ITGB1: variants seen among roughly 807,000 people sequenced by gnomAD.
The protein encoded by ITGB1 is integrin beta-1.
In ITGB1, 24 loss-of-function variants were observed where a neutral mutation model predicts 86.5. The ratio of observed to expected loss-of-function variants is 0.28; its 90% CI spans 0.20 to 0.39. The LOEUF (loss-of-function observed/expected upper bound fraction) is 0.39. ITGB1 is among the 10% of genes least tolerant of loss of function. The pLI is 1.00. For missense variants in ITGB1, 556 were observed against 946.9 expected, an observed-to-expected ratio of 0.59 and a Z score of 5.42; for synonymous variants, 323 against 316.8, an observed-to-expected ratio of 1.02 and a Z score of -0.21.
rs200876241 is a variant in ITGB1, at chr10:32,914,013, A to C, written c.1470-1889T>G. On this transcript the variant is annotated intron_variant, in intron 11 of 15. Coordinates refer to ENST00000302278, the MANE Select transcript of ITGB1 (RefSeq NM_002211.4). ...CAGAAGAGAGTGGGGGCCAATATTT[A>C]ACATTCTTAAAGAAAAGAATTTTCA... Among the ~76,000 whole-genome samples, 19 of 152,368 alleles carry C rather than the reference A, an allele frequency of 1.2e-4. No homozygotes were observed. The East Asian group carries it at 2.9e-3, about 23-fold the overall frequency.
chr10:32,928,424 G>A (rs2094972393), intron 4 of ITGB1, among the ~76,000 whole-genome samples, 160 bp from the exon 5 acceptor site: 1 of 152,164 alleles, frequency 6.6e-6, no homozygotes, highest in Non-Finnish European at 1.5e-5. Flanking sequence ...AACTCAATGG[G>A]TATGTATTCA....
At chr10:32,935,908 C>A in intron 1 of ITGB1, 1 of 170,636 alleles carries the variant, frequency 5.9e-6, no homozygotes, top group South Asian at 1.6e-4. Context: ...TGGTCTCAGC[C>A]CATAGAATCT....
chr10:32,944,962 TA>T, intron 1 of ITGB1: 1 of 1,121,104 alleles, frequency 8.9e-7, no homozygotes. Flanking sequence ...TTCTACAAAC[TA>T]AAGTTCCACA....
intron 1 of ITGB1, among the ~76,000 whole-genome samples, chr10:32,952,454 T>C (rs2137268780): frequency 2.4e-5 from 1 of 42,432 alleles, no homozygotes; most frequent in Middle Eastern, 0.014. Flanking sequence ...AATTTCCTCC[T>C]CCAATAAACA....
chr10:32,928,291 A>G, intron 4 of ITGB1, 27 bp from the exon 5 acceptor site: 1 of 812,484 alleles, frequency 1.2e-6, no homozygotes, highest in South Asian at 1.5e-5. Flanking sequence ...TTAGAAAATG[A>G]AACTTGCCTG....
At chr10:32,910,159 C>A in intron 14 of ITGB1, 64 bp downstream of exon 14, 1 of 1,278,210 alleles carries the variant, frequency 7.8e-7, no homozygotes, top group Non-Finnish European at 1.1e-6. Flanking sequence ...GATGTTAGGC[C>A]TAAATAAGCA....
At chr10:32,909,649 T>G (rs539363707) in intron 14 of ITGB1, among the ~76,000 whole-genome samples, 30 of 152,228 alleles carry the variant, frequency 2.0e-4, no homozygotes, top group Admixed American at 1.7e-3. Context: ...GTTAAACATA[T>G]GCTTACCATA....
At chr10:32,949,419 C>T (rs1262962234) in intron 1 of ITGB1, among the ~76,000 whole-genome samples, 1 of 152,122 alleles carries the variant, frequency 6.6e-6, no homozygotes, top group Non-Finnish European at 1.5e-5. Context: ...TGACTCAGGG[C>T]ACAGAAATGG....
chr10:32,911,566 G>T lies in ITGB1; in HGVS notation c.1813C>A (p.Gln605Lys), dbSNP rs1297236582. The T allele has an allele frequency of 6.2e-7, 1 of 1,614,000 alleles. No individual in the cohort carries two copies. The highest frequency in any genetic ancestry group is 8.5e-7 in the Non-Finnish European group (1 of 1,180,018). Residue 605 changes from glutamine to lysine, a missense_variant, in exon 13 of 16, where the codon CAG becomes AAG. By Grantham distance (53) the Gln-to-Lys change is moderately conservative. Around this residue, in one of 4 missense-constraint regions of ITGB1, gnomAD observed 330 missense variants for 531.5 expected, o/e 0.62. Transcript: ENST00000302278. ...CAGATGCCCCGGCCATTGCAGATCT[G>T]TCCGTTGCTGGCTTCACAAGTACTA... ...DTSTCEASNG[Q>K]ICNGRGICEC... is the part of the protein sequence containing the mutation.
chr10:32,930,301 C>G (rs888173629), intron 3 of ITGB1, among the ~76,000 whole-genome samples: 4 of 152,098 alleles, frequency 2.6e-5, no homozygotes, highest in Admixed American at 6.6e-5. Context: ...TCTTGTAATT[C>G]AGAGTATCTA....
rs2094977877 is a variant in ITGB1, at chr10:32,929,978, C to T, written c.220G>A (p.Gly74Ser). The T allele has an allele frequency of 1.7e-6, 2 of 1,201,762 alleles. No homozygotes were observed. The highest frequency in any genetic ancestry group is 1.5e-5 in the African/African-American group (1 of 67,116). 74.4% of individuals were successfully genotyped at this position (1,201,762 alleles called of 1,614,324 possible). Residue 74 changes from glycine to serine, a missense_variant, in exon 4 of 16, where the codon GGT becomes AGT. Coordinates refer to ENST00000302278, the MANE Select transcript of ITGB1 (RefSeq NM_002211.4). ...TTTTCTATGTCATCTGGAGGGCAAC[C>T]CTTCTTTTTTAAGGCTTCTAAATCA... ...CDDLEALKKKGCPPDDIENPR... is the reference protein window; with the variant it reads ...CDDLEALKKKSCPPDDIENPR...
At chr10:32,950,403 G>C (rs2095040306) in intron 1 of ITGB1, among the ~76,000 whole-genome samples, 2 of 152,076 alleles carry the variant, frequency 1.3e-5, no homozygotes, top group African/African-American at 4.8e-5. Context: ...CCATGGAAAG[G>C]GAACCTTTCC....
intron 11 of ITGB1, among the ~76,000 whole-genome samples, chr10:32,914,193 C>G (rs1413752066): frequency 6.6e-6 from 1 of 152,158 alleles, no homozygotes; most frequent in South Asian, 2.1e-4. Context: ...ACAACTGGTA[C>G]CAGCCACTGC....
intron 1 of ITGB1, among the ~76,000 whole-genome samples, chr10:32,938,899 C>A (rs2095010954): frequency 6.6e-6 from 1 of 152,184 alleles, no homozygotes; most frequent in Non-Finnish European, 1.5e-5. Flanking sequence ...CTGAGGGAAG[C>A]AAGCCACAGA....
At chr10:32,945,021 C>T in intron 1 of ITGB1, 4 of 658,208 alleles carry the variant, frequency 6.1e-6, no homozygotes, top group Non-Finnish European at 1.1e-5. Flanking sequence ...ATGTGTGTAA[C>T]TAGTAAGATG....
At position 32,950,666 on chromosome 10, in the gene ITGB1, G is replaced by A. The variant is rs117546617; in HGVS notation, c.-1+7479C>T. Among the ~76,000 whole-genome samples, 1,103 of 152,190 alleles carry A rather than the reference G, an allele frequency of 7.2e-3. 5 individuals carry two copies. The highest frequency in any genetic ancestry group is 0.024 in the Middle Eastern group (7 of 294). ...TCCTTGACAAACAGAAAAGTAGTCT[G>A]AATTAGAAAACCATCTAAAATTCAC... On this transcript the variant is annotated intron_variant, in intron 1 of 15. Transcript: ENST00000302278.
chr10:32,918,343 T>C (rs1565822658), intron 11 of ITGB1, among the ~76,000 whole-genome samples: 2 of 150,390 alleles, frequency 1.3e-5, no homozygotes, highest in African/African-American at 4.8e-5. Flanking sequence ...TAAAGTATAA[T>C]AAAAAAGAAG....
At chr10:32,937,330 G>T (rs1413204294) in intron 1 of ITGB1, among the ~76,000 whole-genome samples, 1 of 152,060 alleles carries the variant, frequency 6.6e-6, no homozygotes, top group Admixed American at 6.5e-5. Context: ...GACCAAGGCG[G>T]GTGGATCACG....
intron 1 of ITGB1, among the ~76,000 whole-genome samples, chr10:32,952,371 A>G (rs1406832872): frequency 1.3e-5 from 2 of 151,674 alleles, no homozygotes; most frequent in African/African-American, 4.8e-5. Flanking sequence ...CATAAATCTT[A>G]CTCCCTATTG....
Sources: allele counts gnomAD v4.1 joint callset (sites outside exome capture counted in the v4.1 genomes callset), GRCh38; gene constraint gnomAD v4.1.1; regional missense constraint gnomAD v4.1.1; transcripts MANE v1.5; gene names NCBI Gene and HGNC (gene_info 2026-07-23, HGNC 2026-07-21).